The following CACNA1A variants were observed in gnomAD, a reference collection of about 807,000 sequenced individuals.
CACNA1A encodes voltage-dependent P/Q-type calcium channel subunit alpha-1A.
A neutral mutation model predicts 262.4 loss-of-function variants in CACNA1A; 57 were observed. The ratio of observed to expected loss-of-function variants is 0.22; its 90% CI spans 0.18 to 0.27. The LOEUF (loss-of-function observed/expected upper bound fraction) is 0.27. CACNA1A is among the 10% of genes least tolerant of loss of function. The probability of loss-of-function intolerance (pLI) is 1.00; values close to 1 mark genes in which losing one functional copy is unlikely to be tolerated. For synonymous variants in CACNA1A, 1,431 were observed against 1,419.3 expected (o/e 1.01, Z -0.18); for missense variants, 2,526 against 3,562.8 (o/e 0.71, Z 7.41).
chr19:13,297,109 C>T (rs143778862), intron 19 of CACNA1A, among the ~76,000 whole-genome samples: 1 of 152,262 alleles, frequency 6.6e-6, no homozygotes, highest in East Asian at 1.9e-4. Flanking sequence ...TTACCGAGCA[C>T]TTATTATGTG....
chr19:13,292,312 A>G (rs1289434937), intron 19 of CACNA1A, among the ~76,000 whole-genome samples: 1 of 152,134 alleles, frequency 6.6e-6, no homozygotes, highest in Non-Finnish European at 1.5e-5. Context: ...AAGTGAATAA[A>G]AAGGAAAAAA....
intron 45 of CACNA1A, 124 bp from the exon 46 acceptor site, chr19:13,209,133 C>T: frequency 7.0e-7 from 1 of 1,423,468 alleles, no homozygotes; most frequent in Non-Finnish European, 9.4e-7. Flanking sequence ...CGAGGCAGGT[C>T]AGTGGGTTGG....
chr19:13,432,103 C>G (rs1427702650), intron 3 of CACNA1A, among the ~76,000 whole-genome samples: 2 of 64,412 alleles, frequency 3.1e-5, no homozygotes, highest in Non-Finnish European at 5.7e-5. Context: ...GACTCCGTCT[C>G]AAAAAAAAAA....
intron 1 of CACNA1A, among the ~76,000 whole-genome samples, chr19:13,455,564 A>T (rs2060990914): frequency 6.6e-6 from 1 of 152,240 alleles, no homozygotes; most frequent in East Asian, 1.9e-4. Context: ...CCAGAGGAGA[A>T]GCAAATAAAT....
At chr19:13,312,910 T>C (rs1292542406) in intron 11 of CACNA1A, 129 bp from the exon 12 acceptor site, 5 of 534,456 alleles carry the variant, frequency 9.4e-6, no homozygotes, top group East Asian at 3.5e-5. Context: ...GGTCTTGCTA[T>C]GCTGTTAGGC....
intron 1 of CACNA1A, among the ~76,000 whole-genome samples, chr19:13,498,758 TC>T (rs1446740892): frequency 1.3e-5 from 2 of 152,116 alleles, no homozygotes; most frequent in African/African-American, 4.8e-5. Context: ...TAACTGACTC[TC>T]CCCCTTTCTT....
chr19:13,270,446 C>T (rs1166822906), intron 24 of CACNA1A, among the ~76,000 whole-genome samples: 2 of 151,726 alleles, frequency 1.3e-5, no homozygotes, highest in African/African-American at 4.8e-5. Context: ...AGCGCTCAGG[C>T]TGAGAACCTC....
intron 6 of CACNA1A, among the ~76,000 whole-genome samples, chr19:13,347,059 G>GTTTTTTTTTTTTTTTTTTTT (rs1207564258): frequency 1.7e-5 from 1 of 58,394 alleles, no homozygotes. Context: ...TGTTTTTTTT[G>GTTTTTTTTTTTTTTTTTTTT]TTTTTTTGTT....
intron 38 of CACNA1A, among the ~76,000 whole-genome samples, chr19:13,221,238 T>TTTC (rs1263504756): frequency 0.24 from 8,600 of 36,098 alleles, 1,456 homozygotes; most frequent in Non-Finnish European, 0.27. Flanking sequence ...TTCTTTCTTT[T>TTTC]TTTTTTTTTT....
chr19:13,493,908 C>T (rs1981192722), intron 1 of CACNA1A, among the ~76,000 whole-genome samples: 1 of 152,242 alleles, frequency 6.6e-6, no homozygotes, highest in African/African-American at 2.4e-5. Flanking sequence ...TTAAACAAGA[C>T]ACCCCTTTCT....
chr19:13,330,327 C>T lies in CACNA1A; in HGVS notation c.1262G>A (p.Arg421Gln), dbSNP rs752902118. The change falls in exon 10 of 47, where the codon CGG becomes CAG. Residue 421 changes from arginine to glutamine, a missense_variant. Physicochemically the swap from Arg to Gln is conservative, Grantham distance 43. Transcript: ENST00000360228. ...CTTGCTTTTCTTTATGGTGGTTCTC[C>T]GCAGAGCTCCAACAATGGAAACATG... ...GEQRHPFDAL[R>Q]RTTIKKSKTD... 42 of 1,560,542 alleles carry T rather than the reference C, an allele frequency of 2.7e-5. No homozygotes were observed. The East Asian group carries it at 6.2e-4, about 23-fold the overall frequency.
At chr19:13,208,616 G>T in intron 46 of CACNA1A, 140 bp downstream of exon 46, 1 of 1,104,824 alleles carries the variant, frequency 9.1e-7, no homozygotes, top group Non-Finnish European at 1.2e-6. Flanking sequence ...GCACCCCGGT[G>T]GCTTGGGGGC....
chr19:13,446,409 ATG>A (rs1318459617), intron 3 of CACNA1A, among the ~76,000 whole-genome samples: 3 of 148,300 alleles, frequency 2.0e-5, no homozygotes, highest in South Asian at 2.2e-4. Flanking sequence ...GGTCTGCATG[ATG>A]TGTGTGTGTG....
At chr19:13,457,266 C>A (rs1411596628) in intron 1 of CACNA1A, among the ~76,000 whole-genome samples, 4 of 151,530 alleles carry the variant, frequency 2.6e-5, no homozygotes, top group Non-Finnish European at 5.9e-5. Context: ...ACAACAACAA[C>A]AAAAACAACA....
intron 31 of CACNA1A, chr19:13,243,953 G>A (rs1015911700): frequency 6.6e-6 from 1 of 152,418 alleles, no homozygotes; most frequent in African/African-American, 2.4e-5. Context: ...TGCCTGCTCT[G>A]AGCATCATAT....
rs142444693 is a variant in CACNA1A at position 13,281,183 on chromosome 19, C to T, written c.3822+2084G>A. Among the ~76,000 whole-genome samples the T allele has an allele frequency of 7.3e-3, 1,104 of 151,610 alleles. 11 individuals are homozygous for T. The highest frequency in any genetic ancestry group is 0.026 in the African/African-American group (1,066 of 41,310). Reference sequence around the variant, plus strand: ...ATTGCTTGAGGTCAAGAGTTCGAGACCAGCCTGGCAACATAGCGAGGCCCG... The same window carrying T: ...ATTGCTTGAGGTCAAGAGTTCGAGATCAGCCTGGCAACATAGCGAGGCCCG... On this transcript the variant is annotated intron_variant, in intron 22 of 46. Transcript: ENST00000360228.
At chr19:13,351,143 T>G (rs938421861) in intron 6 of CACNA1A, among the ~76,000 whole-genome samples, 3 of 152,210 alleles carry the variant, frequency 2.0e-5, no homozygotes, top group African/African-American at 7.2e-5. Context: ...AACTTCTATT[T>G]TCCCCTTTAC....
chr19:13,246,067 C>T (rs1438292757), intron 30 of CACNA1A, among the ~76,000 whole-genome samples: 1 of 152,186 alleles, frequency 6.6e-6, no homozygotes, highest in East Asian at 1.9e-4. Flanking sequence ...CCTCAGAGAG[C>T]CCACAGTCTG....
chr19:13,323,707 C>T (rs1056565542), intron 10 of CACNA1A, among the ~76,000 whole-genome samples: 1 of 152,164 alleles, frequency 6.6e-6, no homozygotes, highest in African/African-American at 2.4e-5. Context: ...CGTTTTCTCA[C>T]ATTCCTTAGG....
Sources: gnomAD v4.1 joint callset for allele counts (sites outside exome capture counted in the v4.1 genomes callset) on GRCh38, gnomAD v4.1.1 for gene constraint, MANE v1.5 for transcripts, NCBI Gene and HGNC (gene_info 2026-07-23, HGNC 2026-07-21) for gene names.